PIGU: variants seen among roughly 807,000 people sequenced by gnomAD.
PIGU encodes the protein GPI-anchor transamidase component PIGU.
Under a neutral mutation model 49.9 loss-of-function variants are expected in PIGU, and 24 were observed. The observed-to-expected ratio is 0.48, with a 90% CI of 0.35 to 0.68. The LOEUF is 0.68. Among genes scored for constraint, PIGU ranks in the 30% least tolerant of loss-of-function variants. The pLI, the probability that PIGU is intolerant of heterozygous loss-of-function variation, is 0.01. For missense variants in PIGU, 490 were observed against 532.6 expected, an observed-to-expected ratio of 0.92 and a Z score of 0.79; for synonymous variants, 220 against 205.7, an observed-to-expected ratio of 1.07 and a Z score of -0.59.
chr20:34,629,959 T>C (rs1393318093), intron 6 of PIGU, among the ~76,000 whole-genome samples: 3 of 152,008 alleles, frequency 2.0e-5, no homozygotes, highest in Non-Finnish European at 4.4e-5. Flanking sequence ...ATAAATCACT[T>C]GGTGATGTGG....
rs1986257208 is a variant in PIGU at position 34,644,190 on chromosome 20, C to G, written c.292G>C (p.Ala98Pro). The part of the protein sequence containing the change: ...DALTAIALYF[A>P]IQDFNKVVFK... Reference sequence around the variant, plus strand: ...ACAACTTTATTGAAGTCCTGGATTGCAAAATACAGGGCAATAGCAGTGAGT... The same window carrying G: ...ACAACTTTATTGAAGTCCTGGATTGGAAAATACAGGGCAATAGCAGTGAGT... Residue 98 changes from alanine to proline, a missense_variant, in exon 4 of 12, where the codon GCA becomes CCA. Coordinates refer to ENST00000217446, the MANE Select transcript of PIGU (RefSeq NM_080476.5). 6.2e-7 allele frequency: 1 copy of G among 1,611,126 alleles called. No homozygotes were observed. The highest frequency in any genetic ancestry group is 8.5e-7 in the Non-Finnish European group (1 of 1,177,500).
chr20:34,640,553 A>C (rs150900585), intron 4 of PIGU, among the ~76,000 whole-genome samples: 2 of 151,550 alleles, frequency 1.3e-5, no homozygotes, highest in Admixed American at 1.3e-4. Flanking sequence ...AGAAAATATA[A>C]GTATAAAATG....
At chr20:34,608,084 T>G (rs958372838) in intron 7 of PIGU, among the ~76,000 whole-genome samples, 181 of 151,228 alleles carry the variant, frequency 1.2e-3, no homozygotes, top group Non-Finnish European at 1.9e-3. Context: ...TTTTTTTTTT[T>G]TTTTTTTGAG....
intron 7 of PIGU, among the ~76,000 whole-genome samples, chr20:34,589,104 TACACACACACACACACACACAC>T (rs11469162): frequency 5.5e-5 from 8 of 145,936 alleles, no homozygotes; most frequent in South Asian, 2.3e-4. Context: ...TACTATTATT[TACACACACACACACACACACAC>T]ACACACACAC....
chr20:34,640,986 C>T (rs746476997), intron 4 of PIGU, among the ~76,000 whole-genome samples: 4 of 152,242 alleles, frequency 2.6e-5, no homozygotes, highest in African/African-American at 9.6e-5. Context: ...CTCCGCCTCC[C>T]GGGTTCAAGT....
intron 7 of PIGU, among the ~76,000 whole-genome samples, chr20:34,606,322 G>C (rs1367797411): frequency 6.7e-6 from 1 of 149,084 alleles, no homozygotes; most frequent in African/African-American, 2.5e-5. Flanking sequence ...AAATTTTCTA[G>C]TTGTCCCCCA....
chr20:34,606,912 C>A (rs1219920196), intron 7 of PIGU, among the ~76,000 whole-genome samples: 1 of 152,166 alleles, frequency 6.6e-6, no homozygotes, highest in Non-Finnish European at 1.5e-5. Flanking sequence ...AGGCACCCAC[C>A]ACCAAGCCTG....
At chr20:34,629,207 G>A (rs551542615) in intron 6 of PIGU, among the ~76,000 whole-genome samples, 30 of 152,116 alleles carry the variant, frequency 2.0e-4, no homozygotes, top group African/African-American at 7.2e-4. Context: ...GTAGAAATGA[G>A]GTTTCACCAT....
At chr20:34,562,170 A>C (rs1354346446) in intron 11 of PIGU, among the ~76,000 whole-genome samples, 2 of 152,222 alleles carry the variant, frequency 1.3e-5, no homozygotes, top group African/African-American at 2.4e-5. Flanking sequence ...CTGCAATCCC[A>C]GTCAGCCCAA....
At chr20:34,659,618 A>G (rs960900862) in intron 1 of PIGU, among the ~76,000 whole-genome samples, 1 of 152,204 alleles carries the variant, frequency 6.6e-6, no homozygotes, top group African/African-American at 2.4e-5. Flanking sequence ...AAGGGGGGAA[A>G]GGTGGGGAAA....
chr20:34,560,736 A>C lies in PIGU; in HGVS notation c.*130T>G, dbSNP rs1189179764. The C allele has an allele frequency of 3.3e-6, 2 of 610,174 alleles. No homozygotes were observed. Among genetic ancestry groups the C allele is most frequent in the African/African-American group, 3.9e-5 (2 of 51,766 alleles). 37.8% of individuals were successfully genotyped at this position (610,174 alleles called of 1,614,324 possible). A position where few individuals can be genotyped will look rare whatever the true frequency, so the allele number is the denominator to read the frequency against. ...AGCCATGGGTCCCTTTTGGTACCAG[A>C]GACTTGTGACCCTGGACTCGAACCT... On this transcript the variant is annotated 3_prime_UTR_variant, in exon 12 of 12. Transcript: ENST00000217446.
intron 7 of PIGU, among the ~76,000 whole-genome samples, chr20:34,591,613 C>T (rs1468764603): frequency 1.3e-5 from 2 of 151,980 alleles, no homozygotes; most frequent in Non-Finnish European, 2.9e-5. Flanking sequence ...GAAAAGATAA[C>T]GTAAAATAAA....
chr20:34,648,684 G>A (rs1600659152), intron 2 of PIGU, among the ~76,000 whole-genome samples: 1 of 152,046 alleles, frequency 6.6e-6, no homozygotes, highest in South Asian at 2.1e-4. Context: ...GAGTAGGTGA[G>A]ACTACAGATG....
intron 7 of PIGU, among the ~76,000 whole-genome samples, chr20:34,592,082 G>A (rs971291522): frequency 3.3e-5 from 5 of 151,890 alleles, no homozygotes; most frequent in South Asian, 4.2e-4. Context: ...CCAGCTACTC[G>A]GGAGGCTGAG....
chr20:34,657,146 C>G (rs1354516318), intron 2 of PIGU, 34 bp downstream of exon 2: 1 of 1,529,050 alleles, frequency 6.5e-7, no homozygotes, highest in Non-Finnish European at 9.1e-7. Flanking sequence ...GTAAACTACT[C>G]TTGGTACCCA....
rs369202152 is a variant in PIGU, at chr20:34,651,781, CAA to C, written c.195+5397_195+5398del. ...GAACAAGTTAGCATGGTAGCAAGAA[CAA>C]AGACTTTGGAGTCAGATTCGCATTT... On this transcript the variant is annotated intron_variant, in intron 2 of 11. Transcript: ENST00000217446. 2.8e-3 allele frequency among the ~76,000 whole-genome samples: 423 copies of C among 152,214 alleles called. 1 individual carries two copies. The highest frequency in any genetic ancestry group is 9.7e-3 in the African/African-American group (402 of 41,544).
chr20:34,668,485 G>C (rs6142218), intron 1 of PIGU, among the ~76,000 whole-genome samples: 6 of 98,798 alleles, frequency 6.1e-5, no homozygotes, highest in African/African-American at 2.6e-4. Context: ...AAAAAAAAAG[G>C]GGGGGGCGGG....
At chr20:34,651,234 C>G (rs1986532615) in intron 2 of PIGU, among the ~76,000 whole-genome samples, 2 of 152,140 alleles carry the variant, frequency 1.3e-5, no homozygotes. Context: ...TTCAGAAGTT[C>G]CAGCCTAAAG....
At chr20:34,632,936 A>G (rs75618987) in intron 6 of PIGU, among the ~76,000 whole-genome samples, 1 of 152,112 alleles carries the variant, frequency 6.6e-6, no homozygotes, top group Non-Finnish European at 1.5e-5. Flanking sequence ...AAAAAAAAAA[A>G]AGAACATTGT....
Sources: allele counts gnomAD v4.1 joint callset (sites outside exome capture counted in the v4.1 genomes callset), GRCh38; gene constraint gnomAD v4.1.1; transcripts MANE v1.5; gene names NCBI Gene and HGNC (gene_info 2026-07-23, HGNC 2026-07-21).